The following SAMD12 variants were observed in gnomAD, a reference collection of about 807,000 sequenced individuals.
The protein encoded by SAMD12 is sterile alpha motif domain-containing protein 12.
A neutral mutation model predicts 15.0 loss-of-function variants in SAMD12; 9 were observed. That is an observed-to-expected ratio of 0.60 (90% confidence interval 0.36 to 1.05). The LOEUF (loss-of-function observed/expected upper bound fraction) is 1.05, where lower values mean the gene tolerates loss of function less well. Among genes scored for constraint, SAMD12 ranks in the 50% least tolerant of loss-of-function variants. The pLI is 0.01. For synonymous variants in SAMD12, 86 were observed against 90.1 expected, an observed-to-expected ratio of 0.96 and a Z score of 0.25; for missense variants, 230 against 234.2, an observed-to-expected ratio of 0.98 and a Z score of 0.12.
At chr8:118,562,464 G>A (rs547050355) in intron 2 of SAMD12, among the ~76,000 whole-genome samples, 2 of 152,282 alleles carry the variant, frequency 1.3e-5, no homozygotes, top group East Asian at 3.9e-4. Flanking sequence ...AGAGAGATAG[G>A]CAGGAAACCA....
the SAMD12 span, among the ~76,000 whole-genome samples, chr8:118,169,829 G>C: frequency 6.6e-6 from 1 of 152,186 alleles, no homozygotes; most frequent in South Asian, 2.1e-4. Context: ...TTCTTTGGAG[G>C]TAATTTTTCT....
At chr8:118,362,948 G>A (rs1818578543) in intron 4 of SAMD12, among the ~76,000 whole-genome samples, 1 of 152,104 alleles carries the variant, frequency 6.6e-6, no homozygotes, top group African/African-American at 2.4e-5. Flanking sequence ...AGGTATGCAG[G>A]AAACATCTCA....
At chr8:118,469,902 C>T (rs73313502) in intron 2 of SAMD12, among the ~76,000 whole-genome samples, 3,370 of 151,972 alleles carry the variant, frequency 0.022, 135 homozygotes, top group African/African-American at 0.077. Flanking sequence ...ACATTAATTG[C>T]AATGAAATTA....
chr8:118,400,480 TG>T (rs1304681876), intron 3 of SAMD12: 1 of 152,240 alleles, frequency 6.6e-6, no homozygotes. Context: ...AGTAATTCAC[TG>T]ATCTCTCATT....
intron 1 of SAMD12, among the ~76,000 whole-genome samples, chr8:118,611,955 C>T (rs1023629835): frequency 1.3e-5 from 2 of 152,104 alleles, no homozygotes; most frequent in African/African-American, 4.8e-5. Context: ...GTGAACCAAG[C>T]ACTACTCCCA....
chr8:118,451,560 A>T (rs532032474), intron 2 of SAMD12, among the ~76,000 whole-genome samples: 6 of 140,320 alleles, frequency 4.3e-5, no homozygotes, highest in African/African-American at 1.9e-4. Flanking sequence ...AAATCAAATA[A>T]TCAAAAGTCT....
intron 1 of SAMD12, among the ~76,000 whole-genome samples, chr8:118,610,497 T>C (rs1278658134): frequency 6.6e-6 from 1 of 152,206 alleles, no homozygotes; most frequent in Non-Finnish European, 1.5e-5. Flanking sequence ...AAATTAGTTA[T>C]CTTCTCTGGA....
intron 3 of SAMD12, among the ~76,000 whole-genome samples, chr8:118,434,776 T>C (rs13255144): frequency 0.58 from 88,102 of 151,294 alleles, 26,674 homozygotes; most frequent in Admixed American, 0.66. Context: ...CCTAATGCCT[T>C]TCCAGTGTTC....
chr8:118,144,517 T>C, the SAMD12 span, among the ~76,000 whole-genome samples: 1 of 152,170 alleles, frequency 6.6e-6, no homozygotes. Context: ...TAAAAATTTA[T>C]TAATTTCTTA....
chr8:118,263,341 G>T (rs1161601393), intron 4 of SAMD12, among the ~76,000 whole-genome samples: 1 of 152,030 alleles, frequency 6.6e-6, no homozygotes, highest in Admixed American at 6.6e-5. Context: ...ATTTTTCACT[G>T]TCAAATGTAG....
intron 1 of SAMD12, among the ~76,000 whole-genome samples, chr8:118,587,958 G>A (rs907708193): frequency 6.6e-6 from 1 of 152,096 alleles, no homozygotes; most frequent in Non-Finnish European, 1.5e-5. Context: ...TCTGGTCTGG[G>A]TTTCACAGCT....
chr8:118,170,400 C>T, the SAMD12 span, among the ~76,000 whole-genome samples: 2 of 152,146 alleles, frequency 1.3e-5, no homozygotes, highest in African/African-American at 4.8e-5. Context: ...TATATGCATA[C>T]TTTACAAATT....
intron 2 of SAMD12, among the ~76,000 whole-genome samples, chr8:118,514,378 C>A (rs4637874): frequency 0.58 from 87,785 of 151,962 alleles, 25,669 homozygotes; most frequent in South Asian, 0.7. Flanking sequence ...TGGAGAAGGC[C>A]AAAAGGGGTC....
intron 2 of SAMD12, among the ~76,000 whole-genome samples, chr8:118,547,699 C>G (rs1826172256): frequency 6.6e-6 from 1 of 152,172 alleles, no homozygotes; most frequent in Admixed American, 6.5e-5. Context: ...TTATAGTATA[C>G]ATCCCAAACT....
chr8:118,223,493 C>A (rs968559797), intron 4 of SAMD12, among the ~76,000 whole-genome samples: 1 of 152,164 alleles, frequency 6.6e-6, no homozygotes, highest in African/African-American at 2.4e-5. Context: ...AGAAACAGAA[C>A]AATTCAGTTG....
intron 4 of SAMD12, among the ~76,000 whole-genome samples, chr8:118,235,979 T>C (rs968907590): frequency 2.0e-5 from 3 of 152,206 alleles, no homozygotes; most frequent in Admixed American, 6.5e-5. Context: ...TGATATGCTA[T>C]AAACTAATCT....
intron 2 of SAMD12, among the ~76,000 whole-genome samples, chr8:118,469,545 T>TATAA (rs376346512): frequency 4.5e-4 from 1 of 2,212 alleles, no homozygotes; most frequent in Non-Finnish European, 2.3e-3. Context: ...ATATATTATA[T>TATAA]TATTATATAT....
chr8:118,604,695 G>A (rs1356607227), intron 1 of SAMD12, among the ~76,000 whole-genome samples: 1 of 152,188 alleles, frequency 6.6e-6, no homozygotes, highest in African/African-American at 2.4e-5. Flanking sequence ...GCTGAGGCGG[G>A]CGGATGAGGA....
chr8:118,380,801 G>A lies in SAMD12; in HGVS notation c.323-1101C>T, dbSNP rs139992747. On this transcript the variant is annotated intron_variant, in intron 3 of 3. Transcript: ENST00000314727. ...GTTAGCAGCAGCTTGTGTTGTTTAT[G>A]CTTCTAGTTTCCTTCCTTTTAACCT... 2.6e-5 allele frequency among the ~76,000 whole-genome samples: 4 copies of A among 152,314 alleles called. No homozygotes were observed. The East Asian group carries it at 7.7e-4, about 29-fold the overall frequency.
Sources: gnomAD v4.1 joint callset for allele counts (sites outside exome capture counted in the v4.1 genomes callset) on GRCh38, gnomAD v4.1.1 for gene constraint, MANE v1.5 for transcripts, NCBI Gene and HGNC (gene_info 2026-07-23, HGNC 2026-07-21) for gene names.